Variants in SETD2 observed in about 807,000 individuals in gnomAD.
SETD2 encodes SET domain containing 2, histone lysine methyltransferase.
A neutral mutation model predicts 242.1 loss-of-function variants in SETD2; 31 were observed. The observed-to-expected ratio is 0.13, with a 90% confidence interval of 0.10 to 0.17. SETD2 has a LOEUF of 0.17. Ranked by LOEUF, SETD2 falls within the 10% of genes least tolerant of loss-of-function variation. The pLI is 1.00. For synonymous variants in SETD2, 1,006 were observed against 1,066.5 expected (o/e 0.94, Z 1.11); for missense variants, 2,481 against 3,046.3 (o/e 0.81, Z 4.37).
At chr3:47,142,167 G>A (rs146668821) in intron 1 of SETD2, among the ~76,000 whole-genome samples, 22 of 152,276 alleles carry the variant, frequency 1.4e-4, no homozygotes, top group African/African-American at 5.1e-4. Context: ...CAATGTGGTA[G>A]TATGCAGCTT....
intron 15 of SETD2, among the ~76,000 whole-genome samples, chr3:47,053,341 T>C (rs930611803): frequency 3.3e-5 from 5 of 152,222 alleles, no homozygotes; most frequent in African/African-American, 1.2e-4. Context: ...ACTATGTCAG[T>C]GCAAAAGTAG....
intron 18 of SETD2, among the ~76,000 whole-genome samples, chr3:47,032,093 A>T (rs2038795848): frequency 6.6e-6 from 1 of 152,168 alleles, no homozygotes; most frequent in East Asian, 1.9e-4. Context: ...AATGTGACAG[A>T]GGCATGTAAT....
chr3:47,074,124 AAAT>A (rs1338158602), intron 12 of SETD2, among the ~76,000 whole-genome samples: 5 of 152,266 alleles, frequency 3.3e-5, no homozygotes, highest in African/African-American at 1.2e-4. Context: ...CTATACAGTA[AAAT>A]AATATGCAGT....
intron 18 of SETD2, among the ~76,000 whole-genome samples, chr3:47,035,445 A>C (rs1167666682): frequency 2.0e-5 from 3 of 152,216 alleles, no homozygotes; most frequent in African/African-American, 7.2e-5. Flanking sequence ...GTAGCATGGC[A>C]CATAAGCTGC....
intron 4 of SETD2, 22 bp downstream of exon 4, chr3:47,116,601 C>G (rs767955510): frequency 1.3e-5 from 20 of 1,595,178 alleles, no homozygotes; most frequent in Non-Finnish European, 1.7e-5. Flanking sequence ...TGAGCAAAAG[C>G]CGAGTATTCT....
chr3:47,050,783 T>C (rs2039799327), intron 15 of SETD2, among the ~76,000 whole-genome samples: 1 of 129,450 alleles, frequency 7.7e-6, no homozygotes, highest in South Asian at 2.6e-4. Flanking sequence ...CAGGCGGAAG[T>C]GCAGTGGCGC....
At chr3:47,109,379 C>T (rs557616952) in intron 5 of SETD2, among the ~76,000 whole-genome samples, 1 of 152,260 alleles carries the variant, frequency 6.6e-6, no homozygotes, top group East Asian at 1.9e-4. Context: ...GGGGTGGTGG[C>T]TCACGCCTGT....
chr3:47,102,089 TAA>T, intron 7 of SETD2, among the ~76,000 whole-genome samples: 1 of 152,362 alleles, frequency 6.6e-6, no homozygotes. Context: ...AACAGATGCA[TAA>T]GACTCAAGAA....
At chr3:47,113,001 A>T (rs1033268961) in intron 5 of SETD2, among the ~76,000 whole-genome samples, 1 of 152,208 alleles carries the variant, frequency 6.6e-6, no homozygotes, top group African/African-American at 2.4e-5. Flanking sequence ...AACTTACATC[A>T]GTTACATGGA....
intron 13 of SETD2, among the ~76,000 whole-genome samples, chr3:47,063,417 C>A (rs2040425015): frequency 6.6e-6 from 1 of 152,082 alleles, no homozygotes; most frequent in Non-Finnish European, 1.5e-5. Flanking sequence ...TTCTAGGCTG[C>A]AATGAGCTCT....
At chr3:47,078,878 G>T (rs1346035457) in intron 12 of SETD2, among the ~76,000 whole-genome samples, 1 of 151,940 alleles carries the variant, frequency 6.6e-6, no homozygotes, top group East Asian at 1.9e-4. Flanking sequence ...CTACAGGCAT[G>T]TGCCACCATG....
intron 1 of SETD2, among the ~76,000 whole-genome samples, chr3:47,132,996 C>G (rs2043512972): frequency 1.3e-5 from 2 of 152,126 alleles, no homozygotes; most frequent in Admixed American, 6.5e-5. Flanking sequence ...TGTTAATTTC[C>G]TGAATTTGAT....
intron 18 of SETD2, among the ~76,000 whole-genome samples, chr3:47,023,245 CA>C (rs1337887545): frequency 6.6e-6 from 1 of 151,872 alleles, no homozygotes; most frequent in Admixed American, 6.6e-5. Flanking sequence ...CTAAAAAATA[CA>C]AAAATTAGTC....
intron 12 of SETD2, among the ~76,000 whole-genome samples, chr3:47,076,051 C>G (rs1477152073): frequency 1.3e-5 from 2 of 152,204 alleles, no homozygotes; most frequent in Admixed American, 6.5e-5. Context: ...TCTCTTCCTT[C>G]ACTCAATGTA....
intron 14 of SETD2, among the ~76,000 whole-genome samples, chr3:47,059,527 C>A (rs1242991959): frequency 6.6e-6 from 1 of 151,472 alleles, no homozygotes; most frequent in Non-Finnish European, 1.5e-5. Context: ...TCAAACAATT[C>A]TCCTGCCTCA....
chr3:47,039,181 G>C (rs1575671549), intron 17 of SETD2, among the ~76,000 whole-genome samples: 1 of 151,918 alleles, frequency 6.6e-6, no homozygotes, highest in South Asian at 2.1e-4. Context: ...AGAAAAGATG[G>C]GAAAGGTACA....
rs1252747511 is a variant in SETD2, at chr3:47,037,386, GT to G, written c.7350+279del. Among the ~76,000 whole-genome samples, 4 of 148,746 alleles carry G rather than the reference GT, an allele frequency of 2.7e-5. No individual in the cohort carries two copies. In the East Asian group the frequency reaches 8.0e-4, roughly 30 times the overall value. ...TATGAGTGAGAACGTGCGGTGTTTGGTTTTTTGTCCTTGCGATAGTTTGCTG... is the reference window on the plus strand; with the variant it reads ...TATGAGTGAGAACGTGCGGTGTTTGGTTTTTGTCCTTGCGATAGTTTGCTG... On this transcript the variant is annotated intron_variant, in intron 18 of 20. Coordinates refer to ENST00000409792, the MANE Select transcript of SETD2 (RefSeq NM_014159.7).
Position 47,121,156 on chromosome 3 carries a change from A to C in SETD2, c.3480T>G (p.Leu1160=), listed in dbSNP as rs2106641157. The C allele has an allele frequency of 6.2e-7, 1 of 1,614,156 alleles. No individual in the cohort carries two copies. Among genetic ancestry groups the C allele is most frequent in the Non-Finnish European group, 8.5e-7 (1 of 1,179,998 alleles). Residue 1160 remains leucine, a synonymous_variant, in exon 3 of 21, where the codon CTT becomes CTG. Transcript: ENST00000409792. ...CAACCCCATCACTCTGAGGATGAGA[A>C]AGTTCAGGCAGGCGATTATCTATTT... The part of the protein sequence containing the change: ...RKQIDNRLPE[L]SHPQSDGVDS...
intron 1 of SETD2, among the ~76,000 whole-genome samples, chr3:47,151,504 C>T (rs1480374944): frequency 6.6e-6 from 1 of 152,126 alleles, no homozygotes; most frequent in Non-Finnish European, 1.5e-5. Context: ...CTCCTGCTCC[C>T]AGTTTCATAT....
Sources: gnomAD v4.1 joint callset for allele counts (sites outside exome capture counted in the v4.1 genomes callset) on GRCh38, gnomAD v4.1.1 for gene constraint, MANE v1.5 for transcripts, NCBI Gene and HGNC (gene_info 2026-07-23, HGNC 2026-07-21) for gene names.